The following ISG20 variants were observed in gnomAD, a reference collection of about 807,000 sequenced individuals.
ISG20 encodes the protein interferon stimulated exonuclease gene 20.
ISG20 carries 8 observed loss-of-function variants against 11.1 expected under a neutral mutation model. The observed-to-expected ratio is 0.72, with a 90% CI of 0.42 to 1.30. ISG20 has a LOEUF of 1.30. Ranked by LOEUF, ISG20 falls within the 50% of genes most tolerant of loss-of-function variation. ISG20 has a pLI of 0.01. For missense variants in ISG20, 243 were observed against 250.2 expected (o/e 0.97, Z 0.19); for synonymous variants, 110 against 101.7 (o/e 1.08, Z -0.49).
In ISG20 at chr15:88,655,714, G is replaced by A; in HGVS notation, c.*183G>A. The A allele has an allele frequency of 1.9e-6, 1 of 524,950 alleles. No homozygotes were observed. The highest frequency in any genetic ancestry group is 3.4e-6 in the Non-Finnish European group (1 of 296,172). The allele number at this position is 524,950 out of a possible 1,614,324, so 32.5% of individuals were successfully genotyped here. On this transcript the variant is annotated 3_prime_UTR_variant, in exon 4 of 4. Transcript: ENST00000306072. ...TTAACAGTAGACAGGACCCATTTCTGTGTGATGTTAGGAGGGAATGAAGTC... is the reference window on the plus strand; with the variant it reads ...TTAACAGTAGACAGGACCCATTTCTATGTGATGTTAGGAGGGAATGAAGTC...
chr15:88,653,611 C>G (rs941837316), intron 3 of ISG20, among the ~76,000 whole-genome samples: 1 of 152,130 alleles, frequency 6.6e-6, no homozygotes, highest in Non-Finnish European at 1.5e-5. Context: ...GGCCTTCTCC[C>G]AGGCTCTGTC....
intron 2 of ISG20, among the ~76,000 whole-genome samples, chr15:88,644,553 GACAA>G (rs1384415311): frequency 2.0e-5 from 2 of 101,358 alleles, no homozygotes; most frequent in Non-Finnish European, 4.4e-5. Flanking sequence ...AAAAAGAAAA[GACAA>G]AAAAAAAAAG....
chr15:88,651,885 G>C (rs1203525380), intron 2 of ISG20: 2 of 1,396,118 alleles, frequency 1.4e-6, no homozygotes, highest in Admixed American at 5.9e-5. Context: ...TTCAGCTCCT[G>C]AAGGAGTCCA....
intron 3 of ISG20, 94 bp from the exon 4 acceptor site, chr15:88,655,321 C>T: frequency 7.9e-6 from 9 of 1,136,354 alleles, no homozygotes; most frequent in Admixed American, 1.8e-5. Flanking sequence ...CACCTGGGGA[C>T]TCTGGAAATC....
At chr15:88,655,341 C>T in intron 3 of ISG20, 74 bp from the exon 4 acceptor site, 1 of 1,358,988 alleles carries the variant, frequency 7.4e-7, no homozygotes, top group Non-Finnish European at 1.1e-6. Flanking sequence ...CGGGATGTGA[C>T]CAGGGAAGAC....
chr15:88,652,671 G>C (rs1385898725), intron 3 of ISG20, among the ~76,000 whole-genome samples: 1 of 138,972 alleles, frequency 7.2e-6, no homozygotes, highest in African/African-American at 2.7e-5. Context: ...GCACACCTCA[G>C]GGCAGCTTGC....
chr15:88,649,832 C>T (rs1004429076), intron 2 of ISG20: 2 of 220,670 alleles, frequency 9.1e-6, no homozygotes, highest in Non-Finnish European at 1.8e-5. Flanking sequence ...TCCTCTAAGT[C>T]GAGCGTGAGC....
intron 2 of ISG20, among the ~76,000 whole-genome samples, chr15:88,641,762 G>T (rs1306937190): frequency 6.6e-6 from 1 of 152,008 alleles, no homozygotes; most frequent in Non-Finnish European, 1.5e-5. Flanking sequence ...CTTCTGAGTA[G>T]TTGGGACTAC....
At chr15:88,653,854 C>A (rs948478148) in intron 3 of ISG20, among the ~76,000 whole-genome samples, 1 of 152,172 alleles carries the variant, frequency 6.6e-6, no homozygotes, top group African/African-American at 2.4e-5. Context: ...AATAGCAGGC[C>A]TGTGGCTCCC....
At chr15:88,642,411 T>C (rs1048657548) in intron 2 of ISG20, among the ~76,000 whole-genome samples, 1 of 152,194 alleles carries the variant, frequency 6.6e-6, no homozygotes, top group African/African-American at 2.4e-5. Flanking sequence ...GGGACACAGT[T>C]CAACCCATAA....
Position 88,651,355 on chromosome 15 carries a change from T to C in ISG20, c.229-755T>C, listed in dbSNP as rs1166587607. ...AGTGATTCACAGCAACACAGATGTC[T>C]TCTCTTACAGTTCTGTAGTTTCGAA... On this transcript the variant is annotated intron_variant, in intron 2 of 3. Transcript: ENST00000306072. 3.3e-6 allele frequency: 3 copies of C among 918,152 alleles called. No homozygotes were observed. In the African/African-American group the frequency reaches 5.4e-5, roughly 16 times the overall value. 56.9% of individuals were successfully genotyped at this position (918,152 alleles called of 1,614,324 possible). A position where few individuals can be genotyped will look rare whatever the true frequency, so the allele number is the denominator to read the frequency against.
chr15:88,640,800 C>CA (rs1026937926), intron 2 of ISG20, among the ~76,000 whole-genome samples: 2 of 151,290 alleles, frequency 1.3e-5, no homozygotes, highest in East Asian at 1.9e-4. Context: ...CCCATCTCTA[C>CA]AAAAAAAAGT....
rs913244909 is a variant in ISG20 at position 88,650,631 on chromosome 15, A to C, written c.229-1479A>C. ...CAGGCCGTCAGTTAAGGCACCTTGA[A>C]GGCTGGGGGCTGGAACCATTGGAAG... On this transcript the variant is annotated intron_variant, in intron 2 of 3. Coordinates refer to ENST00000306072, the MANE Select transcript of ISG20 (RefSeq NM_002201.6). The surrounding 1 kb of genome is among the most constrained non-coding windows in gnomAD (Gnocchi z 4.0). 1 of 397,536 alleles carries C rather than the reference A, an allele frequency of 2.5e-6. No homozygotes were observed. Among genetic ancestry groups the C allele is most frequent in the African/African-American group, 2.1e-5 (1 of 47,904 alleles). The allele number at this position is 397,536 out of a possible 1,614,324, so 24.6% of individuals were successfully genotyped here.
intron 3 of ISG20, among the ~76,000 whole-genome samples, chr15:88,652,674 C>A (rs552041036): frequency 7.1e-6 from 1 of 140,798 alleles, no homozygotes; most frequent in South Asian, 2.5e-4. Flanking sequence ...CACCTCAGGG[C>A]AGCTTGCCTG....
chr15:88,638,039 A>G (rs923723753), upstream of ISG20, among the ~76,000 whole-genome samples: 5 of 152,184 alleles, frequency 3.3e-5, no homozygotes, highest in African/African-American at 9.7e-5. Context: ...GAGGTTTGTT[A>G]AAGTTGGGCA....
In ISG20 at chr15:88,650,050, G is replaced by A. The variant is rs1162679803; in HGVS notation, c.229-2060G>A. On this transcript the variant is annotated intron_variant, in intron 2 of 3. Transcript: ENST00000306072. This position sits in a 1 kb window ranked among gnomAD's most constrained non-coding sequence, Gnocchi z 4.0. ...GTTCCAGGAGGCCGCTGGCTATCTA[G>A]AAGGAGAAGCAGGCTACGGGGAAGG... 1.7e-6 allele frequency: 1 copy of A among 594,438 alleles called. No homozygotes were observed. The highest frequency in any genetic ancestry group is 3.0e-6 in the Non-Finnish European group (1 of 331,580). The allele number at this position is 594,438 out of a possible 1,614,324, so 36.8% of individuals were successfully genotyped here.
Position 88,639,475 on chromosome 15 carries a change from G to A in ISG20, c.109G>A (p.Val37Met), listed in dbSNP as rs936674774. The change falls in exon 2 of 4, where the codon GTG becomes ATG. Residue 37 changes from valine to methionine, a missense_variant. Physicochemically the swap from Val to Met is conservative, Grantham distance 21. Transcript: ENST00000306072. The surrounding 1 kb of genome is among the most constrained non-coding windows in gnomAD (Gnocchi z 4.2). ...CAGCCTCGTGAACGTCCACGGTGCT[G>A]TGCTGTACGACAAGTTCATCCGGCC... ...RCSLVNVHGA[V>M]LYDKFIRPEG... 2 of 1,614,198 alleles carry A rather than the reference G, an allele frequency of 1.2e-6. No homozygotes were observed. The highest frequency in any genetic ancestry group is 1.7e-6 in the Non-Finnish European group (2 of 1,180,020).
At position 88,656,320 on chromosome 15, in the gene ISG20, C is replaced by G. The variant is rs1308240701; in HGVS notation, c.*789C>G. 1.3e-5 allele frequency: 2 copies of G among 152,170 alleles called. No homozygotes were observed. The highest frequency in any genetic ancestry group is 2.9e-5 in the Non-Finnish European group (2 of 68,044). 9.4% of individuals were successfully genotyped at this position (152,170 alleles called of 1,614,324 possible). A position where few individuals can be genotyped will look rare whatever the true frequency, so the allele number is the denominator to read the frequency against. Reference sequence around the variant, plus strand: ...GGGCACCCCAGGAAGAGTCACCGCACTCTGTTTCGGGGCTCGGCTCTCTGA... The same window carrying G: ...GGGCACCCCAGGAAGAGTCACCGCAGTCTGTTTCGGGGCTCGGCTCTCTGA... On this transcript the variant is annotated 3_prime_UTR_variant, in exon 4 of 4. Transcript: ENST00000306072.
chr15:88,651,805 A>G lies in ISG20; in HGVS notation c.229-305A>G, dbSNP rs529561809. The G allele has an allele frequency of 3.5e-4, 430 of 1,219,614 alleles. 5 individuals carry two copies. In the African/African-American group the frequency reaches 6.0e-3, roughly 17 times the overall value. The allele number at this position is 1,219,614 out of a possible 1,614,324, so 75.5% of individuals were successfully genotyped here. ...GGGAAGATTAAACAACATAATATAC[A>G]TGACGTATGTTGAGGCACGCTTGGC... On this transcript the variant is annotated intron_variant, in intron 2 of 3. Coordinates refer to ENST00000306072, the MANE Select transcript of ISG20 (RefSeq NM_002201.6).
Sources: gnomAD v4.1 joint callset for allele counts (sites outside exome capture counted in the v4.1 genomes callset) on GRCh38, gnomAD v4.1.1 for gene constraint, Gnocchi (gnomAD v3.1) non-coding constraint, MANE v1.5 for transcripts, NCBI Gene and HGNC (gene_info 2026-07-23, HGNC 2026-07-21) for gene names.